The following ME3 variants were observed in gnomAD, a reference collection of about 807,000 sequenced individuals.
ME3 encodes the protein NADP-dependent malic enzyme, mitochondrial.
In ME3, 48 loss-of-function variants were observed where a neutral mutation model predicts 68.9. The observed-to-expected ratio is 0.70, with a 90% CI of 0.55 to 0.89. The LOEUF (loss-of-function observed/expected upper bound fraction) is 0.89, where lower values mean the gene tolerates loss of function less well. Ranked by LOEUF, ME3 falls within the 40% of genes least tolerant of loss-of-function variation. ME3 has a pLI of 0.00. For missense variants in ME3, 675 were observed against 797.4 expected, an observed-to-expected ratio of 0.85 and a Z score of 1.85; for synonymous variants, 320 against 318.8, an observed-to-expected ratio of 1.00 and a Z score of -0.04.
In ME3 at chr11:86,474,826, G is replaced by A. The variant is rs74396437; in HGVS notation, c.810-9626C>T. On this transcript the variant is annotated intron_variant, in intron 7 of 14. Coordinates refer to ENST00000543262, the Ensembl canonical transcript of ME3. ...AACGCTGCAGGCAAGGCCATTGGCTGCGTACACATTAAATCTATGCAAACC... is the reference window on the plus strand; with the variant it reads ...AACGCTGCAGGCAAGGCCATTGGCTACGTACACATTAAATCTATGCAAACC... 7.6e-4 allele frequency among the ~76,000 whole-genome samples: 115 copies of A among 152,316 alleles called. 1 individual carries two copies. Among genetic ancestry groups the A allele is most frequent in the East Asian group, 1.7e-3 (9 of 5,188 alleles).
intron 4 of ME3, among the ~76,000 whole-genome samples, chr11:86,527,195 G>A (rs1954826080): frequency 6.6e-6 from 1 of 152,182 alleles, no homozygotes; most frequent in South Asian, 2.1e-4. Context: ...TGAAAACCAA[G>A]GCACGAGAAC....
At chr11:86,532,505 C>G (rs1164170400) in intron 4 of ME3, among the ~76,000 whole-genome samples, 1 of 152,126 alleles carries the variant, frequency 6.6e-6, no homozygotes, top group Non-Finnish European at 1.5e-5. Flanking sequence ...ATGTTGAAAT[C>G]CTATCTATGG....
At chr11:86,538,704 C>A (rs1054927828) in intron 4 of ME3, among the ~76,000 whole-genome samples, 1 of 152,170 alleles carries the variant, frequency 6.6e-6, no homozygotes, top group African/African-American at 2.4e-5. Flanking sequence ...CCTGTGGGCT[C>A]TCCTCTTTAG....
Position 86,607,648 on chromosome 11 carries a change from G to GT in ME3, c.184-47826dup, listed in dbSNP as rs546322145. ...ATCTCTTTGATAGATGGTTTTTGTT[G>GT]TTTTTTTTCAGCTTCCAATAGATCA... On this transcript the variant is annotated intron_variant, in intron 2 of 14. Coordinates refer to ENST00000543262, the Ensembl canonical transcript of ME3. 4.1e-4 allele frequency among the ~76,000 whole-genome samples: 61 copies of GT among 149,570 alleles called. No individual in the cohort carries two copies. In the South Asian group the frequency reaches 7.6e-3, roughly 19 times the overall value.
chr11:86,602,925 C>T (rs1565199854), intron 2 of ME3, among the ~76,000 whole-genome samples: 1 of 152,294 alleles, frequency 6.6e-6, no homozygotes, highest in African/African-American at 2.4e-5. Context: ...GGATCCTTTC[C>T]TTACACCTTA....
chr11:86,672,111 G>C, intron 1 of ME3, 153 bp from the exon 2 acceptor site: 2 of 627,746 alleles, frequency 3.2e-6, no homozygotes, highest in Non-Finnish European at 4.8e-6. Flanking sequence ...GCCACTCCTC[G>C]GCTGCCACCT....
chr11:86,443,299 G>A (rs1037870404), intron 13 of ME3, among the ~76,000 whole-genome samples: 1 of 152,170 alleles, frequency 6.6e-6, no homozygotes, highest in East Asian at 1.9e-4. Context: ...CACGTGCTTG[G>A]TACCATCTTG....
At chr11:86,520,709 T>G (rs1441281261) in intron 4 of ME3, among the ~76,000 whole-genome samples, 1 of 152,234 alleles carries the variant, frequency 6.6e-6, no homozygotes, top group Non-Finnish European at 1.5e-5. Flanking sequence ...TTCCACTGAT[T>G]GCATGGGTCC....
intron 2 of ME3, among the ~76,000 whole-genome samples, chr11:86,618,763 G>T: frequency 6.6e-6 from 1 of 151,500 alleles, no homozygotes. Context: ...TGTCACCCAG[G>T]CTGGAGTGCA....
At chr11:86,476,696 G>A (rs572793430) in intron 7 of ME3, among the ~76,000 whole-genome samples, 4 of 152,266 alleles carry the variant, frequency 2.6e-5, no homozygotes, top group African/African-American at 4.8e-5. Flanking sequence ...ACACAACACC[G>A]TCCACTGGAG....
intron 4 of ME3, among the ~76,000 whole-genome samples, chr11:86,530,132 C>G (rs1263453364): frequency 5.3e-5 from 8 of 152,214 alleles, no homozygotes; most frequent in African/African-American, 1.4e-4. Flanking sequence ...TCTCCTTAAG[C>G]TGACAGGCAA....
intron 2 of ME3, among the ~76,000 whole-genome samples, chr11:86,646,164 T>A (rs1277763575): frequency 1.3e-5 from 2 of 152,150 alleles, no homozygotes; most frequent in African/African-American, 4.8e-5. Context: ...AGATCACAAC[T>A]CTTTGCCAGC....
chr11:86,489,351 G>A (rs961274672), intron 6 of ME3, among the ~76,000 whole-genome samples: 1 of 152,190 alleles, frequency 6.6e-6, no homozygotes, highest in Non-Finnish European at 1.5e-5. Flanking sequence ...GCATGGGGAT[G>A]ATTGTGATGA....
At chr11:86,486,512 G>C (rs1018267366) in intron 7 of ME3, among the ~76,000 whole-genome samples, 8 of 152,216 alleles carry the variant, frequency 5.3e-5, no homozygotes, top group Non-Finnish European at 1.2e-4. Flanking sequence ...GTTCTGGTTG[G>C]AGAAGCTGAG....
chr11:86,446,215 G>T, intron 13 of ME3, 99 bp downstream of exon 13: 1 of 1,381,700 alleles, frequency 7.2e-7, no homozygotes, highest in South Asian at 1.3e-5. Flanking sequence ...GGCAATGTTG[G>T]GGCAGATGGG....
chr11:86,516,141 C>T (rs1156565363), intron 4 of ME3, among the ~76,000 whole-genome samples: 2 of 152,116 alleles, frequency 1.3e-5, no homozygotes. Flanking sequence ...TTAACTGGAA[C>T]AGGACAAAAA....
At chr11:86,622,825 T>C (rs1293720624) in intron 2 of ME3, 1 of 152,014 alleles carries the variant, frequency 6.6e-6, no homozygotes, top group Non-Finnish European at 1.5e-5. Flanking sequence ...GCTTTGTCTT[T>C]GAAGTTTTCA....
chr11:86,624,783 G>A (rs554966625), intron 2 of ME3, among the ~76,000 whole-genome samples: 1 of 152,322 alleles, frequency 6.6e-6, no homozygotes, highest in East Asian at 1.9e-4. Context: ...TCAGATAGCG[G>A]GAGAGAAAGG....
At chr11:86,470,688 G>A (rs1950735046) in intron 7 of ME3, among the ~76,000 whole-genome samples, 1 of 152,200 alleles carries the variant, frequency 6.6e-6, no homozygotes, top group Non-Finnish European at 1.5e-5. Context: ...CACTTTGGGA[G>A]ACATGGCTCT....
Sources: gnomAD v4.1 joint callset for allele counts (sites outside exome capture counted in the v4.1 genomes callset) on GRCh38, gnomAD v4.1.1 for gene constraint, MANE v1.5 for transcripts, NCBI Gene and HGNC (gene_info 2026-07-23, HGNC 2026-07-21) for gene names.